Variants in UBR1 observed in about 807,000 individuals in gnomAD.
The protein encoded by UBR1 is E3 ubiquitin-protein ligase UBR1.
Under a neutral mutation model 242.1 loss-of-function variants are expected in UBR1, and 102 were observed. The ratio of observed to expected loss-of-function variants is 0.42; its 90% confidence interval spans 0.36 to 0.50. UBR1 has a LOEUF of 0.50. Ranked by LOEUF, UBR1 falls within the 20% of genes least tolerant of loss-of-function variation. The probability of loss-of-function intolerance (pLI) is 0.01; values close to 1 mark genes in which losing one functional copy is unlikely to be tolerated. For missense variants in UBR1, 1,772 were observed against 2,101.8 expected (o/e 0.84, Z 3.07); for synonymous variants, 675 against 684.8 (o/e 0.99, Z 0.22).
chr15:43,037,963 A>G (rs1289633111), intron 16 of UBR1, 80 bp from the exon 17 acceptor site: 50 of 1,395,928 alleles, frequency 3.6e-5, no homozygotes, highest in South Asian at 3.0e-4. Flanking sequence ...CATATTCTTC[A>G]GTTTTCTCAC....
intron 29 of UBR1, among the ~76,000 whole-genome samples, chr15:43,012,950 A>C (rs974899004): frequency 6.6e-6 from 1 of 152,160 alleles, no homozygotes; most frequent in Non-Finnish European, 1.5e-5. Context: ...CTGTTGCCCA[A>C]GCTGGAGTGC....
At chr15:43,048,355 A>T (rs757931335) in intron 13 of UBR1, 37 bp downstream of exon 13, 7 of 1,529,036 alleles carry the variant, frequency 4.6e-6, no homozygotes, top group Non-Finnish European at 6.3e-6. Context: ...TTTTAAAAAT[A>T]AATTTCTTTT....
chr15:43,069,430 T>C (rs113006067), intron 5 of UBR1, among the ~76,000 whole-genome samples: 20 of 152,132 alleles, frequency 1.3e-4, no homozygotes, highest in African/African-American at 4.3e-4. Flanking sequence ...GGGCCCGCCA[T>C]GATGCCCAGC....
At chr15:43,025,561 CTT>C (rs2033167888) in intron 23 of UBR1, 132 bp from the exon 24 acceptor site, 2 of 679,030 alleles carry the variant, frequency 2.9e-6, no homozygotes, top group South Asian at 3.4e-5. Flanking sequence ...CAAAATGCCT[CTT>C]TGTCCTAGAA....
At chr15:42,991,078 C>A (rs1298467544) in intron 33 of UBR1, among the ~76,000 whole-genome samples, 1 of 151,758 alleles carries the variant, frequency 6.6e-6, no homozygotes, top group Non-Finnish European at 1.5e-5. Context: ...AGTTCAAAAC[C>A]AGCCTGGCCA....
chr15:43,043,409 A>G lies in UBR1; in HGVS notation c.1669-14T>C. On this transcript the variant is annotated splice_polypyrimidine_tract_variant and intron_variant, in intron 14 of 46. Coordinates refer to ENST00000290650, the MANE Select transcript of UBR1 (RefSeq NM_174916.3). The stretch of plus-strand genomic sequence containing the variant: ...TAAGAGTTCTTCCTAAGAGGAAAAT[A>G]AGATACAAAAAGTTGACAAGTTTTC... The G allele has an allele frequency of 6.2e-7, 1 of 1,613,686 alleles. No homozygotes were observed.
At chr15:43,009,103 A>C (rs919121509) in intron 29 of UBR1, among the ~76,000 whole-genome samples, 4 of 152,192 alleles carry the variant, frequency 2.6e-5, no homozygotes, top group African/African-American at 9.7e-5. Flanking sequence ...GCCCACACCC[A>C]AAGCTTGCCA....
rs1407784976 is a variant in UBR1 at position 43,047,300 on chromosome 15, A to G, written c.1540-11T>C. On this transcript the variant is annotated splice_polypyrimidine_tract_variant and intron_variant, in intron 13 of 46. Coordinates refer to ENST00000290650, the MANE Select transcript of UBR1 (RefSeq NM_174916.3). The stretch of plus-strand genomic sequence containing the variant: ...GATTTCTTCCATTCCCTGCAATTAC[A>G]AGTTGGTCAACATACACCTATCTGA... 3 of 1,613,988 alleles carry G rather than the reference A, an allele frequency of 1.9e-6. No individual in the cohort carries two copies. Among genetic ancestry groups the G allele is most frequent in the South Asian group, 1.1e-5 (1 of 91,080 alleles).
At chr15:43,007,343 T>C (rs563478228) in intron 29 of UBR1, 59 bp from the exon 30 acceptor site, 1 of 1,518,766 alleles carries the variant, frequency 6.6e-7, no homozygotes, top group Non-Finnish European at 9.1e-7. Context: ...TCTTCATATT[T>C]TGGTAGATTT....
intron 22 of UBR1, among the ~76,000 whole-genome samples, chr15:43,027,042 T>C (rs1409294098): frequency 1.3e-5 from 2 of 152,080 alleles, no homozygotes; most frequent in African/African-American, 4.8e-5. Flanking sequence ...TAAGGTCATA[T>C]CTAAAACAGT....
At chr15:42,963,272 T>TA (rs530322922) in intron 42 of UBR1, among the ~76,000 whole-genome samples, 3 of 151,444 alleles carry the variant, frequency 2.0e-5, no homozygotes, top group South Asian at 2.1e-4. Flanking sequence ...CCTGGGTATT[T>TA]AAAAAAAAGA....
At chr15:42,986,892 C>T (rs973362538) in intron 35 of UBR1, among the ~76,000 whole-genome samples, 10 of 152,216 alleles carry the variant, frequency 6.6e-5, no homozygotes, top group Non-Finnish European at 1.2e-4. Context: ...GGTCCCCACC[C>T]GGAGCTTCCC....
chr15:42,944,014 T>G lies in UBR1; in HGVS notation c.*1315A>C, dbSNP rs1454164677. 1 of 152,224 alleles carries G rather than the reference T, an allele frequency of 6.6e-6. No individual in the cohort carries two copies. The highest frequency in any genetic ancestry group is 1.5e-5 in the Non-Finnish European group (1 of 68,038). The allele number at this position is 152,224 out of a possible 1,614,324, so 9.4% of individuals were successfully genotyped here. On this transcript the variant is annotated 3_prime_UTR_variant, in exon 47 of 47. Coordinates refer to ENST00000290650, the MANE Select transcript of UBR1 (RefSeq NM_174916.3). ...ATATATTTTACTTGCTTGCCTTTGCTGAGCAAAAAGAAGGTAGGAAAACAT... is the reference window on the plus strand; with the variant it reads ...ATATATTTTACTTGCTTGCCTTTGCGGAGCAAAAAGAAGGTAGGAAAACAT...
intron 33 of UBR1, among the ~76,000 whole-genome samples, 189 bp downstream of exon 33, chr15:42,997,978 TC>T (rs1411267668): frequency 1.3e-5 from 2 of 152,180 alleles, no homozygotes; most frequent in African/African-American, 4.8e-5. Context: ...CTGTATTGTC[TC>T]CTAGTATGAA....
At chr15:43,021,000 C>T (rs752737942) in intron 27 of UBR1, 4 of 341,212 alleles carry the variant, frequency 1.2e-5, no homozygotes, top group Admixed American at 4.3e-5. Flanking sequence ...AGCACCTTGT[C>T]TGCCTTGTTC....
chr15:42,957,973 G>A, intron 44 of UBR1, 40 bp downstream of exon 44: 1 of 1,532,256 alleles, frequency 6.5e-7, no homozygotes, highest in Non-Finnish European at 9.0e-7. Flanking sequence ...TTCAGAAAAT[G>A]ATTTAAAATT....
chr15:43,030,203 T>G lies in UBR1; in HGVS notation c.2255-135A>C, dbSNP rs1288496152. On this transcript the variant is annotated intron_variant, in intron 20 of 46. Transcript: ENST00000290650. ...GAGAGAGGGGCAAAAGTTATTTGAATGTGTTCCCAAATCTGAATAAGAATC... is the reference window on the plus strand; with the variant it reads ...GAGAGAGGGGCAAAAGTTATTTGAAGGTGTTCCCAAATCTGAATAAGAATC... 7 of 989,482 alleles carry G rather than the reference T, an allele frequency of 7.1e-6. 1 individual carries two copies. In the South Asian group the frequency reaches 7.5e-5, roughly 11 times the overall value. 61.3% of individuals were successfully genotyped at this position (989,482 alleles called of 1,614,324 possible). A position where few individuals can be genotyped will look rare whatever the true frequency, so the allele number is the denominator to read the frequency against.
chr15:43,027,724 A>T lies in UBR1; in HGVS notation c.2432+52T>A. ...GCTTCTACAAAGTATCCAAAGTACA[A>T]GAACAAAGATCAAACTACCTTTTAG... On this transcript the variant is annotated intron_variant, in intron 22 of 46. Transcript: ENST00000290650. The T allele has an allele frequency of 1.9e-6, 3 of 1,544,200 alleles. No homozygotes were observed. In the South Asian group the frequency reaches 3.3e-5, roughly 17 times the overall value.
chr15:43,022,664 C>A (rs779229542), intron 26 of UBR1, 38 bp downstream of exon 26: 1 of 1,433,466 alleles, frequency 7.0e-7, no homozygotes, highest in Non-Finnish European at 9.8e-7. Context: ...TCTAGACTTT[C>A]AATGACAAAT....
Sources: gnomAD v4.1 joint callset for allele counts (sites outside exome capture counted in the v4.1 genomes callset) on GRCh38, gnomAD v4.1.1 for gene constraint, MANE v1.5 for transcripts, NCBI Gene and HGNC (gene_info 2026-07-23, HGNC 2026-07-21) for gene names.